Variants in ZNF430 observed in about 807,000 individuals in gnomAD.
ZNF430 encodes the protein zinc finger protein 430.
ZNF430 carries 35 observed loss-of-function variants against 56.7 expected under a neutral mutation model. That is an observed-to-expected ratio of 0.62 (90% CI 0.47 to 0.82). The LOEUF (loss-of-function observed/expected upper bound fraction) is 0.82, where lower values mean the gene tolerates loss of function less well. Among genes scored for constraint, ZNF430 ranks in the 40% least tolerant of loss-of-function variants. The probability of loss-of-function intolerance (pLI) is 0.00; values close to 1 mark genes in which losing one functional copy is unlikely to be tolerated. For synonymous variants in ZNF430, 212 were observed against 224.3 expected (o/e 0.94, Z 0.49); for missense variants, 574 against 661.0 (o/e 0.87, Z 1.44).
intron 4 of ZNF430, among the ~76,000 whole-genome samples, chr19:21,044,715 G>A (rs560096258): frequency 2.6e-5 from 4 of 152,178 alleles, no homozygotes; most frequent in South Asian, 4.2e-4. Flanking sequence ...CTGCCTCTGG[G>A]CATTTTTAGT....
rs985598068 is a variant in ZNF430 at position 21,021,984 on chromosome 19, C to T, written c.4-805C>T. 5.9e-5 allele frequency among the ~76,000 whole-genome samples: 9 copies of T among 152,052 alleles called. No individual in the cohort carries two copies. In the East Asian group the frequency reaches 1.6e-3, roughly 26 times the overall value. ...TTTTGAGTAGCTGGAATTACAAGCG[C>T]CTGCCACCCTGCCCAGCTAATTTTT... On this transcript the variant is annotated intron_variant, in intron 1 of 4. Coordinates refer to ENST00000261560, the MANE Select transcript of ZNF430 (RefSeq NM_025189.4).
chr19:21,059,633 T>C lies in ZNF430; in HGVS notation c.*1612T>C, dbSNP rs1044153664. ...AGTAGAAGGGCTTTTTGCAGAGTTA[T>C]TACGTTTGAAGTATACTTTATTTCT... is the stretch of plus-strand genomic sequence containing the variant. On this transcript the variant is annotated 3_prime_UTR_variant, in exon 5 of 5. Coordinates refer to ENST00000261560, the MANE Select transcript of ZNF430 (RefSeq NM_025189.4). The C allele has an allele frequency of 2.6e-5, 4 of 152,120 alleles. No individual in the cohort carries two copies. Among genetic ancestry groups the C allele is most frequent in the Non-Finnish European group, 5.9e-5 (4 of 68,028 alleles). The allele number at this position is 152,120 out of a possible 1,614,324, so 9.4% of individuals were successfully genotyped here.
intron 1 of ZNF430, among the ~76,000 whole-genome samples, chr19:21,021,576 A>G (rs576693606): frequency 6.6e-6 from 1 of 152,238 alleles, no homozygotes. Context: ...ACTGTTGAGC[A>G]CCCAGCTGTG....
Position 21,020,785 on chromosome 19 carries a change from C to A in ZNF430, c.-16C>A. ...GATCTACAGCTAAGACGCCAGGAAC[C>A]CCTGGAAGCCTAGAAATGGTGAGAG... On this transcript the variant is annotated 5_prime_UTR_variant, in exon 1 of 5. Transcript: ENST00000261560. 1 of 1,613,788 alleles carries A rather than the reference C, an allele frequency of 6.2e-7. No individual in the cohort carries two copies. The highest frequency in any genetic ancestry group is 8.5e-7 in the Non-Finnish European group (1 of 1,179,804).
At position 21,057,206 on chromosome 19, in the gene ZNF430, C is replaced by T. The variant is rs190229508; in HGVS notation, c.898C>T (p.Arg300Trp). 1.5e-5 allele frequency: 25 copies of T among 1,613,242 alleles called. No individual in the cohort carries two copies. The highest frequency in any genetic ancestry group is 5.5e-5 in the South Asian group (5 of 91,024). ...RCEECGKTFN[R>W]SSHLTTHKRI... ...TGAAGAATGTGGCAAAACCTTTAACCGGTCCTCACACCTTACTACACATAA... is the reference window on the plus strand; with the variant it reads ...TGAAGAATGTGGCAAAACCTTTAACTGGTCCTCACACCTTACTACACATAA... The change falls in exon 5 of 5, where the codon CGG becomes TGG. Residue 300 changes from arginine (R) to tryptophan (W), a missense_variant. Physicochemically the swap from Arg to Trp is moderately radical, Grantham distance 101 (BLOSUM62 -3). Transcript: ENST00000261560.
intron 4 of ZNF430, among the ~76,000 whole-genome samples, chr19:21,043,962 G>T (rs1004054700): frequency 3.1e-5 from 4 of 129,334 alleles, no homozygotes; most frequent in Non-Finnish European, 6.8e-5. Context: ...AGACTTTGCT[G>T]AAGCTTCTTA....
chr19:21,031,753 T>C (rs1488503111), intron 2 of ZNF430, among the ~76,000 whole-genome samples: 1 of 152,202 alleles, frequency 6.6e-6, no homozygotes, highest in Non-Finnish European at 1.5e-5. Flanking sequence ...TGGCTTTTTT[T>C]CAGCTAAACG....
chr19:21,038,350 G>A (rs1190910900), intron 4 of ZNF430, among the ~76,000 whole-genome samples: 1 of 151,700 alleles, frequency 6.6e-6, no homozygotes, highest in African/African-American at 2.4e-5. Flanking sequence ...TTCATTTCTG[G>A]GCTCCATATT....
In ZNF430 at chr19:21,048,806, G is replaced by A. The variant is rs959550011; in HGVS notation, c.323-7825G>A. On this transcript the variant is annotated intron_variant, in intron 4 of 4. Coordinates refer to ENST00000261560, the MANE Select transcript of ZNF430 (RefSeq NM_025189.4). The stretch of plus-strand genomic sequence containing the variant: ...TCCCGGACGGGGCGGCTGGCCGGGC[G>A]GGTGCTGGCCCCAACCTCCCTCCTG... 7.3e-5 allele frequency among the ~76,000 whole-genome samples: 11 copies of A among 151,206 alleles called. No individual in the cohort carries two copies. The Middle Eastern group carries it at 0.011, about 146-fold the overall frequency.
At chr19:21,033,629 C>A (rs368373843) in intron 3 of ZNF430, 47 bp downstream of exon 3, 2 of 1,493,716 alleles carry the variant, frequency 1.3e-6, no homozygotes, top group Non-Finnish European at 1.8e-6. Context: ...CTAAAGGTTT[C>A]ATTTCTCATT....
intron 4 of ZNF430, among the ~76,000 whole-genome samples, chr19:21,052,522 C>CAT (rs956123563): frequency 6.6e-5 from 10 of 152,100 alleles, no homozygotes; most frequent in East Asian, 1.9e-4. Context: ...CACACACACA[C>CAT]ATATATATAC....
At chr19:21,030,785 G>T (rs1444807802) in intron 2 of ZNF430, among the ~76,000 whole-genome samples, 3 of 152,106 alleles carry the variant, frequency 2.0e-5, no homozygotes, top group African/African-American at 4.8e-5. Flanking sequence ...ATTACGTAGA[G>T]TGGGGCCAAA....
chr19:21,042,805 GA>G (rs1273657029), intron 4 of ZNF430, among the ~76,000 whole-genome samples: 1 of 151,418 alleles, frequency 6.6e-6, no homozygotes, highest in Non-Finnish European at 1.5e-5. Flanking sequence ...AAAAAATTTA[GA>G]AAAAAATAAC....
intron 4 of ZNF430, among the ~76,000 whole-genome samples, chr19:21,039,429 T>G (rs1313511196): frequency 2.3e-5 from 3 of 131,498 alleles, no homozygotes; most frequent in Non-Finnish European, 5.0e-5. Flanking sequence ...ATTATTGGAT[T>G]TAACAGTTTT....
intron 2 of ZNF430, among the ~76,000 whole-genome samples, chr19:21,032,281 C>T (rs980024573): frequency 2.0e-5 from 3 of 152,196 alleles, no homozygotes; most frequent in African/African-American, 7.2e-5. Flanking sequence ...CTTAAAATCA[C>T]TGTTAAAAAT....
At chr19:21,034,941 C>T (rs994906166) in intron 4 of ZNF430, 10 of 152,152 alleles carry the variant, frequency 6.6e-5, no homozygotes, top group African/African-American at 2.2e-4. Flanking sequence ...TTTCTGCACA[C>T]TCCATTCTGT....
rs1171071026 is a variant in ZNF430, at chr19:21,056,860, T to C, written c.552T>C (p.Asn184=). The change falls in exon 5 of 5, where the codon AAT becomes AAC. Residue 184 remains asparagine, a synonymous_variant. Transcript: ENST00000261560. ...SEIFQYDKYV[N]VFYKFSNPNI... Reference sequence around the variant, plus strand: ...TATTTCAATATGATAAATATGTGAATGTCTTTTATAAATTTTCAAATCCAA... The same window carrying C: ...TATTTCAATATGATAAATATGTGAACGTCTTTTATAAATTTTCAAATCCAA... 6.2e-7 allele frequency: 1 copy of C among 1,610,392 alleles called. No individual in the cohort carries two copies. The highest frequency in any genetic ancestry group is 1.3e-5 in the African/African-American group (1 of 74,864).
At chr19:21,031,209 A>G (rs759715418) in intron 2 of ZNF430, among the ~76,000 whole-genome samples, 6 of 152,016 alleles carry the variant, frequency 3.9e-5, no homozygotes, top group Non-Finnish European at 8.8e-5. Context: ...AATTAGGATT[A>G]CATGGCAGAA....
rs551295818 is a variant in ZNF430 at position 21,044,418 on chromosome 19, C to T, written c.322+10234C>T. Among the ~76,000 whole-genome samples the T allele has an allele frequency of 4.6e-5, 7 of 152,258 alleles. No homozygotes were observed. In the South Asian group the frequency reaches 1.2e-3, roughly 27 times the overall value. ...TGTTTATGTTGAAATAGCCTTGCAT[C>T]CCAGGGATGAAGCTGACTTGATCGC... On this transcript the variant is annotated intron_variant, in intron 4 of 4. Transcript: ENST00000261560.
Sources: gnomAD v4.1 joint callset for allele counts (sites outside exome capture counted in the v4.1 genomes callset) on GRCh38, gnomAD v4.1.1 for gene constraint, MANE v1.5 for transcripts, NCBI Gene and HGNC (gene_info 2026-07-23, HGNC 2026-07-21) for gene names.